SPECC1: variants seen among roughly 807,000 people sequenced by gnomAD.
SPECC1 encodes the protein sperm antigen with calponin homology and coiled-coil domains 1.
A neutral mutation model predicts 104.1 loss-of-function variants in SPECC1; 62 were observed. That is an observed-to-expected ratio of 0.60 (90% CI 0.49 to 0.74). SPECC1 has a LOEUF of 0.74. SPECC1 is among the 30% of genes least tolerant of loss of function. SPECC1 has a pLI of 0.00. For synonymous variants in SPECC1, 513 were observed against 501.6 expected, an observed-to-expected ratio of 1.02 and a Z score of -0.30; for missense variants, 1,306 against 1,310.5, an observed-to-expected ratio of 1.00 and a Z score of 0.05.
intron 3 of SPECC1, chr17:20,112,723 T>C: frequency 8.4e-7 from 1 of 1,191,966 alleles, no homozygotes. Flanking sequence ...CTTCCGGTCT[T>C]AAAGCCAATT....
At chr17:20,169,715 C>G (rs2033940486) in intron 3 of SPECC1, among the ~76,000 whole-genome samples, 1 of 152,110 alleles carries the variant, frequency 6.6e-6, no homozygotes, top group African/African-American at 2.4e-5. Context: ...GTTGTTCAGG[C>G]TGGTCTCGAA....
intron 13 of SPECC1, among the ~76,000 whole-genome samples, chr17:20,297,291 T>C (rs2041386018): frequency 6.6e-6 from 1 of 152,170 alleles, no homozygotes; most frequent in Non-Finnish European, 1.5e-5. Flanking sequence ...AGCTTCATGG[T>C]TTCAAGACCT....
chr17:20,082,973 C>CGTTT (rs1369270268), intron 1 of SPECC1, among the ~76,000 whole-genome samples: 2 of 139,534 alleles, frequency 1.4e-5, no homozygotes, highest in South Asian at 2.2e-4. Flanking sequence ...TTCGTTCGTT[C>CGTTT]GTTCGTTCGT....
chr17:20,157,370 C>T (rs1468244966), intron 3 of SPECC1, among the ~76,000 whole-genome samples: 1 of 151,992 alleles, frequency 6.6e-6, no homozygotes, highest in Non-Finnish European at 1.5e-5. Context: ...CAGGGGCCAG[C>T]TTACTGCCTA....
rs550338606 is a variant in SPECC1 at position 20,030,751 on chromosome 17, G to A, written c.-22+21327G>A. Among the ~76,000 whole-genome samples the A allele has an allele frequency of 2.3e-4, 35 of 152,200 alleles. No homozygotes were observed. The South Asian group carries it at 7.3e-3, about 32-fold the overall frequency. ...TTGTTTTCAGCCTGAAGAACTTCCT[G>A]TGGTGTTTCTTCTAAGGCAACAAAT... On this transcript the variant is annotated intron_variant, in intron 1 of 14. Coordinates refer to ENST00000395527, the MANE Select transcript of SPECC1 (RefSeq NM_001243439.2).
chr17:20,231,978 A>G, intron 6 of SPECC1, 147 bp downstream of exon 6: 5 of 953,940 alleles, frequency 5.2e-6, no homozygotes, highest in Non-Finnish European at 8.0e-6. Flanking sequence ...GGCAGGAAGT[A>G]AAATCAAAGG....
chr17:20,012,948 T>C (rs1003055882), intron 1 of SPECC1, among the ~76,000 whole-genome samples: 1 of 152,220 alleles, frequency 6.6e-6, no homozygotes, highest in Non-Finnish European at 1.5e-5. Flanking sequence ...TAGTACCTCA[T>C]ATAGTATTTG....
chr17:20,013,603 A>G (rs1328450299), intron 1 of SPECC1, among the ~76,000 whole-genome samples: 2 of 152,028 alleles, frequency 1.3e-5, no homozygotes, highest in African/African-American at 4.8e-5. Context: ...TCGGGTTCAA[A>G]CGATTCTCCC....
intron 3 of SPECC1, among the ~76,000 whole-genome samples, chr17:20,153,263 G>A (rs977658523): frequency 2.6e-5 from 4 of 152,190 alleles, no homozygotes; most frequent in Non-Finnish European, 5.9e-5. Flanking sequence ...CAACATTGCT[G>A]TAATATAAGT....
intron 1 of SPECC1, among the ~76,000 whole-genome samples, chr17:20,085,511 C>T (rs1025707170): frequency 1.3e-5 from 2 of 152,146 alleles, no homozygotes; most frequent in Non-Finnish European, 2.9e-5. Flanking sequence ...CAAAATTATC[C>T]GTCGTATTTG....
At chr17:20,285,997 A>G (rs1180419486) in intron 12 of SPECC1, among the ~76,000 whole-genome samples, 2 of 152,082 alleles carry the variant, frequency 1.3e-5, no homozygotes, top group Non-Finnish European at 2.9e-5. Context: ...CATTTTTTGT[A>G]GAGACAGGGT....
At chr17:20,301,220 C>T (rs780357658) in intron 13 of SPECC1, among the ~76,000 whole-genome samples, 7 of 152,096 alleles carry the variant, frequency 4.6e-5, no homozygotes, top group Admixed American at 1.3e-4. Flanking sequence ...ACTGAGCACA[C>T]GGGGGGAATC....
intron 1 of SPECC1, among the ~76,000 whole-genome samples, chr17:20,055,930 C>A (rs2045946813): frequency 6.6e-6 from 1 of 152,220 alleles, no homozygotes; most frequent in African/African-American, 2.4e-5. Context: ...CTATGTGGGT[C>A]TCAGACCCAC....
rs531679957 is a variant in SPECC1 at position 20,318,719 on chromosome 17, A to G, written c.*4654A>G. The G allele has an allele frequency of 1.6e-4, 37 of 224,558 alleles. No individual in the cohort carries two copies. Among genetic ancestry groups the G allele is most frequent in the Non-Finnish European group, 3.1e-4 (35 of 112,654 alleles). The allele number at this position is 224,558 out of a possible 1,614,324, so 13.9% of individuals were successfully genotyped here. ...AAGGACATAACCTCACAGCCTTTTT[A>G]GAAGCATTTCGAATATCTACAGTTG... On this transcript the variant is annotated 3_prime_UTR_variant, in exon 15 of 15. Coordinates refer to ENST00000395527, the MANE Select transcript of SPECC1 (RefSeq NM_001243439.2).
chr17:20,161,264 C>T (rs986562934), intron 3 of SPECC1, among the ~76,000 whole-genome samples: 1 of 152,160 alleles, frequency 6.6e-6, no homozygotes, highest in Admixed American at 6.6e-5. Flanking sequence ...ACTTCTATTT[C>T]TTGACTCACC....
intron 13 of SPECC1, among the ~76,000 whole-genome samples, chr17:20,299,837 T>C (rs986595403): frequency 2.6e-5 from 4 of 152,078 alleles, no homozygotes; most frequent in Admixed American, 2.6e-4. Flanking sequence ...AGGCAGGCGA[T>C]TGCACAGCAA....
At chr17:20,135,282 T>G (rs1171033796) in intron 3 of SPECC1, among the ~76,000 whole-genome samples, 1 of 152,190 alleles carries the variant, frequency 6.6e-6, no homozygotes, top group Non-Finnish European at 1.5e-5. Flanking sequence ...TCTTGATACT[T>G]CCCTCTTCCC....
chr17:20,247,139 A>T (rs939740284), intron 8 of SPECC1, 80 bp from the exon 9 acceptor site: 19 of 1,144,094 alleles, frequency 1.7e-5, no homozygotes, highest in Non-Finnish European at 2.3e-5. Context: ...CACCAAAAAA[A>T]GTAACAAGAA....
intron 7 of SPECC1, among the ~76,000 whole-genome samples, chr17:20,233,047 G>A (rs968418738): frequency 2.6e-5 from 4 of 152,214 alleles, no homozygotes; most frequent in Non-Finnish European, 4.4e-5. Context: ...TATTCCCAAA[G>A]TGAATGCAAT....
Sources: allele counts gnomAD v4.1 joint callset (sites outside exome capture counted in the v4.1 genomes callset), GRCh38; gene constraint gnomAD v4.1.1; transcripts MANE v1.5; gene names NCBI Gene and HGNC (gene_info 2026-07-23, HGNC 2026-07-21).